Variants in TECTB observed in about 807,000 individuals in gnomAD.
The protein encoded by TECTB is tectorin beta.
In TECTB, 45 loss-of-function variants were observed where a neutral mutation model predicts 43.3. The ratio of observed to expected loss-of-function variants is 1.04; its 90% confidence interval spans 0.82 to 1.33. The LOEUF (loss-of-function observed/expected upper bound fraction) is 1.33, where lower values mean the gene tolerates loss of function less well. TECTB is among the 40% of genes most tolerant of loss of function. The pLI, the probability that TECTB is intolerant of heterozygous loss-of-function variation, is 0.00. For synonymous variants in TECTB, 169 were observed against 156.7 expected, an observed-to-expected ratio of 1.08 and a Z score of -0.59; for missense variants, 399 against 404.7, an observed-to-expected ratio of 0.99 and a Z score of 0.12.
chr10:112,292,931 C>T (rs1195132270), intron 5 of TECTB, among the ~76,000 whole-genome samples: 1 of 151,792 alleles, frequency 6.6e-6, no homozygotes, highest in East Asian at 1.9e-4. Context: ...AGCTACATGG[C>T]CCCCCTCCTC....
Position 112,303,521 on chromosome 10 carries a change from C to A in TECTB, c.*209C>A. 1.6e-6 allele frequency: 1 copy of A among 606,588 alleles called. No homozygotes were observed. The highest frequency in any genetic ancestry group is 2.9e-6 in the Non-Finnish European group (1 of 345,294). The allele number at this position is 606,588 out of a possible 1,614,324, so 37.6% of individuals were successfully genotyped here. Reference sequence around the variant, plus strand: ...AAAAACTTAGGCTACTTCCCGTGGCCCTTAGATCTCACAGTCCTTCTACAG... The same window carrying A: ...AAAAACTTAGGCTACTTCCCGTGGCACTTAGATCTCACAGTCCTTCTACAG... On this transcript the variant is annotated 3_prime_UTR_variant, in exon 11 of 11. Transcript: ENST00000646139.
At chr10:112,285,963 T>C in intron 3 of TECTB, 108 bp from the exon 4 acceptor site, 1 of 1,410,986 alleles carries the variant, frequency 7.1e-7, no homozygotes. Context: ...GACATTTCTG[T>C]CTCCCCACTG....
intron 9 of TECTB, among the ~76,000 whole-genome samples, chr10:112,300,130 C>T (rs1161451497): frequency 2.0e-5 from 3 of 147,126 alleles, no homozygotes; most frequent in Non-Finnish European, 4.5e-5. Context: ...CCATTGTACT[C>T]CAGCCTGGGC....
intron 5 of TECTB, among the ~76,000 whole-genome samples, chr10:112,289,616 C>G (rs2133349741): frequency 6.6e-6 from 1 of 152,310 alleles, no homozygotes; most frequent in African/African-American, 2.4e-5. Flanking sequence ...GCTGACAGTA[C>G]TTCAAATATG....
At chr10:112,289,813 G>A (rs1427704484) in intron 5 of TECTB, among the ~76,000 whole-genome samples, 6 of 152,144 alleles carry the variant, frequency 3.9e-5, no homozygotes, top group African/African-American at 1.4e-4. Flanking sequence ...GACCTTCTAG[G>A]TTCTGGAAGA....
chr10:112,296,021 C>T (rs143896372), intron 7 of TECTB, among the ~76,000 whole-genome samples: 253 of 152,238 alleles, frequency 1.7e-3, no homozygotes, highest in Non-Finnish European at 2.6e-3. Flanking sequence ...TAAGACATCC[C>T]GACCCATTTC....
intron 5 of TECTB, among the ~76,000 whole-genome samples, chr10:112,293,353 C>T (rs141357589): frequency 2.0e-4 from 30 of 152,294 alleles, no homozygotes; most frequent in African/African-American, 4.8e-4. Flanking sequence ...AAAGTAGCAA[C>T]GAGTGAGGGC....
intron 8 of TECTB, 103 bp from the exon 9 acceptor site, chr10:112,299,389 T>C: frequency 8.8e-7 from 1 of 1,142,416 alleles, no homozygotes; most frequent in South Asian, 1.4e-5. Context: ...TCCACCCCAT[T>C]TGTGACCTTT....
Position 112,283,791 on chromosome 10 carries a change from G to C in TECTB, c.57G>C (p.Ser19=), listed in dbSNP as rs554525478. The change falls in exon 2 of 11, where the codon TCG becomes TCC. Residue 19 remains serine, a synonymous_variant. Transcript: ENST00000646139. ...LAIFAEASAK[S]CAPNKADVIL... ...TCTTTGCAGAAGCCTCTGCAAAATCGTGTGCTCCAAATAAAGCAGGTATGT... is the reference window on the plus strand; with the variant it reads ...TCTTTGCAGAAGCCTCTGCAAAATCCTGTGCTCCAAATAAAGCAGGTATGT... 1 of 1,613,812 alleles carries C rather than the reference G, an allele frequency of 6.2e-7. No homozygotes were observed. The highest frequency in any genetic ancestry group is 2.2e-5 in the East Asian group (1 of 44,860).
intron 10 of TECTB, 138 bp from the exon 11 acceptor site, chr10:112,303,125 C>T: frequency 1.0e-6 from 1 of 1,001,258 alleles, no homozygotes; most frequent in Non-Finnish European, 1.6e-6. Flanking sequence ...TACAGAATCC[C>T]CAAGGGATGA....
At chr10:112,283,841 A>G (rs750382864) in intron 2 of TECTB, 31 bp downstream of exon 2, 1 of 1,608,496 alleles carries the variant, frequency 6.2e-7, no homozygotes, top group Non-Finnish European at 8.5e-7. Context: ...TTTTCCTGGG[A>G]CGAAAAGTTT....
chr10:112,299,626 A>T lies in TECTB; in HGVS notation c.907+62A>T. The T allele has an allele frequency of 1.9e-6, 3 of 1,561,014 alleles. No individual in the cohort carries two copies. The South Asian group carries it at 3.3e-5, about 17-fold the overall frequency. The stretch of plus-strand genomic sequence containing the variant: ...TGAGTTCACGCTGGGCTGCGTCCAC[A>T]GGCACAGCCGGTTTGAGCATTTTTA... On this transcript the variant is annotated intron_variant, in intron 9 of 10. Coordinates refer to ENST00000646139, the MANE Select transcript of TECTB (RefSeq NM_058222.3).
intron 5 of TECTB, among the ~76,000 whole-genome samples, chr10:112,288,840 C>T (rs1848475792): frequency 6.6e-6 from 1 of 152,192 alleles, no homozygotes; most frequent in African/African-American, 2.4e-5. Context: ...TCACTCTTGA[C>T]AATATCCCAT....
intron 7 of TECTB, among the ~76,000 whole-genome samples, chr10:112,296,863 G>T (rs990734661): frequency 2.0e-5 from 3 of 152,122 alleles, no homozygotes; most frequent in Non-Finnish European, 4.4e-5. Context: ...CAAGAAGAAA[G>T]ATGCTTCAGA....
chr10:112,285,893 C>G (rs762819558), intron 3 of TECTB, among the ~76,000 whole-genome samples, 178 bp from the exon 4 acceptor site: 1 of 152,120 alleles, frequency 6.6e-6, no homozygotes, highest in Non-Finnish European at 1.5e-5. Flanking sequence ...ACTAAGGAAC[C>G]CTTTACAAAA....
intron 8 of TECTB, among the ~76,000 whole-genome samples, 167 bp downstream of exon 8, chr10:112,298,398 T>A (rs934308241): frequency 3.9e-5 from 6 of 152,296 alleles, no homozygotes; most frequent in African/African-American, 1.4e-4. Context: ...GGGCAGATGC[T>A]CAGGGCCCTA....
At chr10:112,303,102 G>C in intron 10 of TECTB, 161 bp from the exon 11 acceptor site, 2 of 782,672 alleles carry the variant, frequency 2.6e-6, no homozygotes, top group Non-Finnish European at 4.3e-6. Flanking sequence ...TCTTTGTACT[G>C]ATAAATGTGA....
At chr10:112,299,352 C>T in intron 8 of TECTB, 140 bp from the exon 9 acceptor site, 2 of 703,278 alleles carry the variant, frequency 2.8e-6, no homozygotes, top group Non-Finnish European at 2.4e-6. Flanking sequence ...AAAGGTAACT[C>T]ATCTCTGTTG....
At chr10:112,289,437 A>G (rs1238753545) in intron 5 of TECTB, among the ~76,000 whole-genome samples, 1 of 152,194 alleles carries the variant, frequency 6.6e-6, no homozygotes, top group Non-Finnish European at 1.5e-5. Context: ...CTTTCCACCC[A>G]AAGCCCAAAA....
Sources: gnomAD v4.1 joint callset for allele counts (sites outside exome capture counted in the v4.1 genomes callset) on GRCh38, gnomAD v4.1.1 for gene constraint, MANE v1.5 for transcripts, NCBI Gene and HGNC (gene_info 2026-07-23, HGNC 2026-07-21) for gene names.